The following KIAA1549L variants were observed in gnomAD, a reference collection of about 807,000 sequenced individuals.
KIAA1549L encodes UPF0606 protein KIAA1549L.
Under a neutral mutation model 160.7 loss-of-function variants are expected in KIAA1549L, and 88 were observed. That is an observed-to-expected ratio of 0.55 (90% CI 0.46 to 0.65). KIAA1549L has a LOEUF of 0.65. KIAA1549L is among the 30% of genes least tolerant of loss of function. The pLI is 0.00. For synonymous variants in KIAA1549L, 950 were observed against 976.7 expected (o/e 0.97, Z 0.51); for missense variants, 2,258 against 2,437.5 (o/e 0.93, Z 1.55).
intron 1 of KIAA1549L, among the ~76,000 whole-genome samples, chr11:33,382,291 C>T (rs1565113592): frequency 6.6e-6 from 1 of 152,024 alleles, no homozygotes. Flanking sequence ...AGAAAGCAAT[C>T]AAGGAGGAGG....
intron 1 of KIAA1549L, among the ~76,000 whole-genome samples, chr11:33,457,367 A>G (rs1264022420): frequency 6.6e-6 from 1 of 152,130 alleles, no homozygotes; most frequent in African/African-American, 2.4e-5. Flanking sequence ...CATCTGTTGA[A>G]TGGTTTTGCC....
intron 16 of KIAA1549L, among the ~76,000 whole-genome samples, chr11:33,636,068 C>T (rs1266715420): frequency 6.6e-6 from 1 of 152,204 alleles, no homozygotes; most frequent in Non-Finnish European, 1.5e-5. Flanking sequence ...TCCAGCTTAT[C>T]CTGGTCAACA....
intron 1 of KIAA1549L, among the ~76,000 whole-genome samples, chr11:33,485,183 T>C (rs1457254490): frequency 2.0e-5 from 3 of 152,200 alleles, no homozygotes; most frequent in Admixed American, 2.0e-4. Context: ...AGCCTGCCCA[T>C]TGAAAAAGTT....
chr11:33,523,485 G>A (rs1469086487), intron 1 of KIAA1549L, among the ~76,000 whole-genome samples: 1 of 152,134 alleles, frequency 6.6e-6, no homozygotes. Context: ...AGAATGTCAG[G>A]TTATCTGAAT....
At chr11:33,614,576 ATATATATATTTTTT>A (rs1850754456) in intron 15 of KIAA1549L, among the ~76,000 whole-genome samples, 1 of 12,108 alleles carries the variant, frequency 8.3e-5, no homozygotes, top group Non-Finnish European at 1.2e-4. Context: ...ATATATATAT[ATATATATATTTTTT>A]TTTTTTTTTT....
In KIAA1549L at chr11:33,672,469, G is replaced by T. The variant is rs948545936; in HGVS notation, c.*4315G>T. On this transcript the variant is annotated 3_prime_UTR_variant, in exon 21 of 21. Coordinates refer to ENST00000658780, the MANE Select transcript of KIAA1549L (RefSeq NM_012194.3). ...GGCAGGGCCGTGTCATTTAAGCATGGCCCCATGGACTGACCCTTTCAGCAG... is the reference window on the plus strand; with the variant it reads ...GGCAGGGCCGTGTCATTTAAGCATGTCCCCATGGACTGACCCTTTCAGCAG... 3 of 152,916 alleles carry T rather than the reference G, an allele frequency of 2.0e-5. No homozygotes were observed. Among genetic ancestry groups the T allele is most frequent in the African/African-American group, 7.2e-5 (3 of 41,410 alleles). The allele number at this position is 152,916 out of a possible 1,614,324, so 9.5% of individuals were successfully genotyped here. A position where few individuals can be genotyped will look rare whatever the true frequency, so the allele number is the denominator to read the frequency against.
At chr11:33,667,254 GATATATATTCCTAAGGTTTTTCAGCAAA>G (rs1852493202) in intron 20 of KIAA1549L, among the ~76,000 whole-genome samples, 1 of 152,034 alleles carries the variant, frequency 6.6e-6, no homozygotes, top group South Asian at 2.1e-4. Flanking sequence ...TATAGACTCA[GATATATATTCCTAAGGTTTTTCAGCAAA>G]ATATATCTTC....
chr11:33,661,019 G>T lies in KIAA1549L; in HGVS notation c.6159+5G>T. The T allele has an allele frequency of 6.2e-7, 1 of 1,604,974 alleles. No homozygotes were observed. Among genetic ancestry groups the T allele is most frequent in the Admixed American group, 1.7e-5 (1 of 58,690 alleles). ...CCGAGCCAGTGGGCAGATTCGGTGA[G>T]ACCCTTGCTCTTCACCTCATAAAAC... On this transcript the variant is annotated splice_donor_5th_base_variant and intron_variant, in intron 20 of 20. Coordinates refer to ENST00000658780, the MANE Select transcript of KIAA1549L (RefSeq NM_012194.3).
At chr11:33,662,626 C>T (rs993683714) in intron 20 of KIAA1549L, among the ~76,000 whole-genome samples, 45 of 152,184 alleles carry the variant, frequency 3.0e-4, no homozygotes, top group African/African-American at 1.1e-3. Flanking sequence ...TGATGTTTAA[C>T]TTGAACTACT....
intron 11 of KIAA1549L, among the ~76,000 whole-genome samples, chr11:33,586,805 C>G (rs1293350403): frequency 6.6e-6 from 1 of 152,150 alleles, no homozygotes; most frequent in African/African-American, 2.4e-5. Context: ...CTCTCTAAAC[C>G]TCAGTTGCTT....
At chr11:33,392,111 A>G (rs188846316) in intron 1 of KIAA1549L, among the ~76,000 whole-genome samples, 119 of 152,346 alleles carry the variant, frequency 7.8e-4, no homozygotes, top group Non-Finnish European at 1.4e-3. Context: ...CAACTGGCCT[A>G]AGGGCACATT....
chr11:33,607,805 A>C (rs577576437), intron 14 of KIAA1549L, among the ~76,000 whole-genome samples: 352 of 152,354 alleles, frequency 2.3e-3, no homozygotes, highest in Non-Finnish European at 4.1e-3. Context: ...AACCCAACTC[A>C]GGAAGCAACT....
intron 16 of KIAA1549L, among the ~76,000 whole-genome samples, chr11:33,634,433 G>T (rs1218852706): frequency 6.6e-6 from 1 of 152,164 alleles, no homozygotes; most frequent in Non-Finnish European, 1.5e-5. Context: ...GACAAGAGAT[G>T]GGCCGTAGTA....
chr11:33,531,818 G>A (rs1255561659), intron 1 of KIAA1549L, among the ~76,000 whole-genome samples: 1 of 152,202 alleles, frequency 6.6e-6, no homozygotes, highest in Non-Finnish European at 1.5e-5. Flanking sequence ...CTTCAGCATA[G>A]CTGTGGCTCT....
At position 33,618,669 on chromosome 11, in the gene KIAA1549L, C is replaced by T; in HGVS notation, c.5409+7C>T. The T allele has an allele frequency of 6.4e-7, 1 of 1,565,620 alleles. No individual in the cohort carries two copies. Among genetic ancestry groups the T allele is most frequent in the Non-Finnish European group, 8.7e-7 (1 of 1,151,580 alleles). On this transcript the variant is annotated splice_region_variant and intron_variant, in intron 16 of 20. Coordinates refer to ENST00000658780, the MANE Select transcript of KIAA1549L (RefSeq NM_012194.3). ...CCGCAACAGCGGATACGATGTGAGT[C>T]TCTGGTGGGCTGGGTAAATACAAGC...
At position 33,542,902 on chromosome 11, in the gene KIAA1549L, C is replaced by T. The variant is rs1854076495; in HGVS notation, c.1339C>T (p.Pro447Ser). The change falls in exon 2 of 21, where the codon CCG becomes TCG. Residue 447 changes from proline (P) to serine (S), a missense_variant. By Grantham distance (74) the Pro-to-Ser change is moderately conservative. This residue lies in a region of KIAA1549L where 540 missense variants were observed against 465.7 expected (regional missense o/e 1.16). Coordinates refer to ENST00000658780, the MANE Select transcript of KIAA1549L (RefSeq NM_012194.3). Reference sequence around the variant, plus strand: ...TGCCACTGCAAATGACTCTGCTAACCCGCTGCATTTGTCAGCAGCTCCAGA... The same window carrying T: ...TGCCACTGCAAATGACTCTGCTAACTCGCTGCATTTGTCAGCAGCTCCAGA... ...ASATANDSAN[P>S]LHLSAAPENS... 6.2e-7 allele frequency: 1 copy of T among 1,614,046 alleles called. No individual in the cohort carries two copies. The highest frequency in any genetic ancestry group is 8.5e-7 in the Non-Finnish European group (1 of 1,179,900).
Position 33,545,208 on chromosome 11 carries a change from C to A in KIAA1549L, c.3215C>A (p.Thr1072Lys). Residue 1072 changes from threonine (T) to lysine (K), a missense_variant, in exon 3 of 21, where the codon ACG becomes AAG. Around this residue, in one of 6 missense-constraint regions of KIAA1549L, gnomAD observed 1,359 missense variants for 1,546.6 expected, o/e 0.88. Coordinates refer to ENST00000658780, the MANE Select transcript of KIAA1549L (RefSeq NM_012194.3). ...RASTPRPLTV[T>K]AALTSITASV... ...TCCACGCCACGCCCACTGACAGTCA[C>A]GGCCGCGCTGACATCCATTACAGCC... 2 of 1,614,024 alleles carry A rather than the reference C, an allele frequency of 1.2e-6. No individual in the cohort carries two copies. The highest frequency in any genetic ancestry group is 1.7e-6 in the Non-Finnish European group (2 of 1,179,884).
intron 1 of KIAA1549L, among the ~76,000 whole-genome samples, chr11:33,538,606 G>A (rs994305633): frequency 1.3e-5 from 2 of 152,046 alleles, no homozygotes; most frequent in Non-Finnish European, 2.9e-5. Context: ...ACCTATAATG[G>A]TGGTTATCTC....
chr11:33,573,020 T>G (rs1397982333), intron 9 of KIAA1549L, among the ~76,000 whole-genome samples: 2 of 152,268 alleles, frequency 1.3e-5, no homozygotes. Flanking sequence ...GTGGTTTCAA[T>G]TTGAATTTCC....
Sources: allele counts gnomAD v4.1 joint callset (sites outside exome capture counted in the v4.1 genomes callset), GRCh38; gene constraint gnomAD v4.1.1; regional missense constraint gnomAD v4.1.1; transcripts MANE v1.5; gene names NCBI Gene and HGNC (gene_info 2026-07-23, HGNC 2026-07-21).